Variants in SPON1 observed in about 807,000 individuals in gnomAD.
The protein encoded by SPON1 is spondin-1.
In SPON1, 52 loss-of-function variants were observed where a neutral mutation model predicts 111.7. That is an observed-to-expected ratio of 0.47 (90% CI 0.37 to 0.59). SPON1 has a LOEUF of 0.59. SPON1 is among the 20% of genes least tolerant of loss of function. SPON1 has a pLI of 0.00. For synonymous variants in SPON1, 410 were observed against 395.8 expected, an observed-to-expected ratio of 1.04 and a Z score of -0.43; for missense variants, 957 against 1,068.5, an observed-to-expected ratio of 0.90 and a Z score of 1.46.
At chr11:14,264,592 T>C (rs1849241183) in intron 15 of SPON1, among the ~76,000 whole-genome samples, 2 of 152,258 alleles carry the variant, frequency 1.3e-5, no homozygotes, top group Non-Finnish European at 2.9e-5. Flanking sequence ...ATCAAAGTGC[T>C]GTCTGTTCTA....
rs1050836045 is a variant in SPON1 at position 14,246,675 on chromosome 11, G to A, written c.890+3279G>A. 3.3e-5 allele frequency among the ~76,000 whole-genome samples: 5 copies of A among 152,204 alleles called. No individual in the cohort carries two copies. The South Asian group carries it at 8.3e-4, about 25-fold the overall frequency. Reference sequence around the variant, plus strand: ...GGACTGAAACATCCTTGATAGGAGGGTCCCCCCAAAAAAAGTCCTGTGAAA... The same window carrying A: ...GGACTGAAACATCCTTGATAGGAGGATCCCCCCAAAAAAAGTCCTGTGAAA... On this transcript the variant is annotated intron_variant, in intron 7 of 15. Transcript: ENST00000576479.
At chr11:13,972,226 C>T (rs1437369580) in intron 1 of SPON1, among the ~76,000 whole-genome samples, 1 of 152,130 alleles carries the variant, frequency 6.6e-6, no homozygotes, top group Non-Finnish European at 1.5e-5. Context: ...GTGAAGCTTG[C>T]CAGGTCTTGT....
chr11:14,181,341 C>T (rs1268556831), intron 6 of SPON1, among the ~76,000 whole-genome samples: 1 of 152,210 alleles, frequency 6.6e-6, no homozygotes, highest in Non-Finnish European at 1.5e-5. Flanking sequence ...CCCTTTCTGA[C>T]AGCTGGGAGC....
At chr11:14,069,437 T>C (rs10832176) in intron 3 of SPON1, among the ~76,000 whole-genome samples, 38,987 of 152,062 alleles carry the variant, frequency 0.26, 5,987 homozygotes, top group South Asian at 0.41. Context: ...CCATGCCCCT[T>C]TCTCAGTTCT....
At chr11:14,164,240 T>C (rs1290124845) in intron 6 of SPON1, among the ~76,000 whole-genome samples, 2 of 152,208 alleles carry the variant, frequency 1.3e-5, no homozygotes, top group South Asian at 2.1e-4. Flanking sequence ...GGGAAGTCCA[T>C]GGATAAATTT....
chr11:14,206,226 C>T (rs1245586560), intron 6 of SPON1, among the ~76,000 whole-genome samples: 1 of 152,032 alleles, frequency 6.6e-6, no homozygotes, highest in Non-Finnish European at 1.5e-5. Context: ...CTGAGTCTTG[C>T]TCTGTCACCC....
At chr11:14,003,988 T>C (rs1241417558) in intron 2 of SPON1, among the ~76,000 whole-genome samples, 2 of 152,186 alleles carry the variant, frequency 1.3e-5, no homozygotes, top group African/African-American at 4.8e-5. Context: ...ATATTTGAGC[T>C]CTTTTTTTAA....
chr11:14,265,984 A>G lies in SPON1; in HGVS notation c.*297A>G, dbSNP rs1043212. 687 of 269,494 alleles carry G rather than the reference A, an allele frequency of 2.5e-3. 3 individuals carry two copies. The highest frequency in any genetic ancestry group is 0.014 in the African/African-American group (643 of 45,816). 16.7% of individuals were successfully genotyped at this position (269,494 alleles called of 1,614,324 possible). On this transcript the variant is annotated 3_prime_UTR_variant, in exon 16 of 16. Transcript: ENST00000576479. ...GCTTCCACCTGGCCAGGGAGGACGGAGACTTTGACCTACTCCACATGGAGA... is the reference window on the plus strand; with the variant it reads ...GCTTCCACCTGGCCAGGGAGGACGGGGACTTTGACCTACTCCACATGGAGA...
At chr11:14,263,140 T>C (rs1347921924) in intron 15 of SPON1, 165 bp downstream of exon 15, 2 of 694,336 alleles carry the variant, frequency 2.9e-6, no homozygotes, top group African/African-American at 3.6e-5. Flanking sequence ...TCCAAGTTTG[T>C]TCCCAAATAT....
intron 2 of SPON1, among the ~76,000 whole-genome samples, chr11:13,990,561 G>A (rs7482622): frequency 6.6e-6 from 1 of 151,538 alleles, no homozygotes; most frequent in Non-Finnish European, 1.5e-5. Context: ...GGGGCATTTA[G>A]CCCATTTACA....
chr11:14,042,007 A>G (rs1848635015), intron 3 of SPON1, among the ~76,000 whole-genome samples: 1 of 152,080 alleles, frequency 6.6e-6, no homozygotes, highest in South Asian at 2.1e-4. Context: ...TACAGCACCT[A>G]GAATCCTTAA....
chr11:13,964,160 G>T (rs1847997648), intron 1 of SPON1, among the ~76,000 whole-genome samples: 2 of 152,216 alleles, frequency 1.3e-5, no homozygotes, highest in South Asian at 4.1e-4. Context: ...TCGTTTCCCC[G>T]TGCAGCAGCA....
chr11:14,188,455 G>T (rs1171144907), intron 6 of SPON1, among the ~76,000 whole-genome samples: 2 of 152,204 alleles, frequency 1.3e-5, no homozygotes, highest in African/African-American at 4.8e-5. Context: ...GAATTAGGTA[G>T]TGGTGGTAGA....
intron 6 of SPON1, among the ~76,000 whole-genome samples, chr11:14,146,801 C>A (rs903814716): frequency 1.3e-5 from 2 of 151,914 alleles, no homozygotes; most frequent in African/African-American, 2.4e-5. Flanking sequence ...GACACAAATT[C>A]TTTGTAAGTT....
At chr11:14,258,718 C>T (rs1361896625) in intron 11 of SPON1, among the ~76,000 whole-genome samples, 1 of 152,222 alleles carries the variant, frequency 6.6e-6, no homozygotes, top group Non-Finnish European at 1.5e-5. Flanking sequence ...CAGTGTTGCA[C>T]TTTCACGATG....
chr11:14,004,532 G>A (rs1290609413), intron 2 of SPON1, among the ~76,000 whole-genome samples: 4 of 152,110 alleles, frequency 2.6e-5, no homozygotes, highest in African/African-American at 9.7e-5. Flanking sequence ...TATCCTTATG[G>A]ATGTGAGATA....
rs373585962 is a variant in SPON1 at position 13,963,004 on chromosome 11, C to G, written c.100C>G (p.Leu34Val). 300 of 1,594,556 alleles carry G rather than the reference C, an allele frequency of 1.9e-4. 1 individual carries two copies. In the African/African-American group the frequency reaches 2.7e-3, roughly 15 times the overall value. Residue 34 changes from leucine (L) to valine (V), a missense_variant, in exon 1 of 16, where the codon CTG becomes GTG. Transcript: ENST00000576479. Reference protein sequence around the residue: ...AAALAFSDETLDKVPKSEGYC... With the variant: ...AAALAFSDETVDKVPKSEGYC... ...GGCGCTGGCCTTCTCCGACGAGACC[C>G]TGGACAAAGTGCCCAAGTCAGAGGG...
intron 2 of SPON1, among the ~76,000 whole-genome samples, chr11:13,996,032 A>G (rs1294493230): frequency 2.0e-5 from 3 of 152,238 alleles, no homozygotes; most frequent in Non-Finnish European, 4.4e-5. Context: ...TTTCAACTGG[A>G]CAAGGAGTGA....
chr11:14,156,619 T>C (rs1847849469), intron 6 of SPON1, among the ~76,000 whole-genome samples: 1 of 152,094 alleles, frequency 6.6e-6, no homozygotes, highest in African/African-American at 2.4e-5. Context: ...AGGGTTTTTA[T>C]GGTTTTAGGT....
Sources: gnomAD v4.1 joint callset for allele counts (sites outside exome capture counted in the v4.1 genomes callset) on GRCh38, gnomAD v4.1.1 for gene constraint, MANE v1.5 for transcripts, NCBI Gene and HGNC (gene_info 2026-07-23, HGNC 2026-07-21) for gene names.